The following TTC28 variants were observed in gnomAD, a reference collection of about 807,000 sequenced individuals.
TTC28 encodes the protein tetratricopeptide repeat protein 28.
TTC28 carries 61 observed loss-of-function variants against 198.0 expected under a neutral mutation model. The ratio of observed to expected loss-of-function variants is 0.31; its 90% confidence interval spans 0.25 to 0.38. The LOEUF is 0.38. Among genes scored for constraint, TTC28 ranks in the 10% least tolerant of loss-of-function variants. TTC28 has a pLI of 1.00. For missense variants in TTC28, 2,678 were observed against 3,164.0 expected, an observed-to-expected ratio of 0.85 and a Z score of 3.69; for synonymous variants, 1,171 against 1,297.8, an observed-to-expected ratio of 0.90 and a Z score of 2.10.
At position 28,085,540 on chromosome 22, in the gene TTC28, G is replaced by C. The variant is rs371039298; in HGVS notation, c.3932+8540C>G. Among the ~76,000 whole-genome samples the C allele has an allele frequency of 2.6e-3, 400 of 152,254 alleles. 9 individuals are homozygous for C. In the East Asian group the frequency reaches 0.059, roughly 23 times the overall value. On this transcript the variant is annotated intron_variant, in intron 12 of 22. Coordinates refer to ENST00000397906, the MANE Select transcript of TTC28 (RefSeq NM_001145418.2). Reference sequence around the variant, plus strand: ...TAAACATGGAAAGGAACAACCGGTAGCAGCCACTGCAAAATCATGCCAAAC... The same window carrying C: ...TAAACATGGAAAGGAACAACCGGTACCAGCCACTGCAAAATCATGCCAAAC...
chr22:28,420,009 A>AT (rs1280484543), intron 2 of TTC28, among the ~76,000 whole-genome samples: 2 of 152,148 alleles, frequency 1.3e-5, no homozygotes, highest in African/African-American at 2.4e-5. Context: ...TGAAAGGCTG[A>AT]TTTTTTTCCT....
chr22:28,026,155 T>C (rs576734728), intron 13 of TTC28, among the ~76,000 whole-genome samples: 1 of 152,304 alleles, frequency 6.6e-6, no homozygotes, highest in African/African-American at 2.4e-5. Context: ...CTCTCCACTT[T>C]CAGGGCCTGA....
intron 2 of TTC28, among the ~76,000 whole-genome samples, chr22:28,628,336 G>GT (rs1208362401): frequency 6.6e-6 from 1 of 152,048 alleles, no homozygotes; most frequent in Non-Finnish European, 1.5e-5. Context: ...TCTTTTTATT[G>GT]TATGTATTTA....
intron 6 of TTC28, among the ~76,000 whole-genome samples, chr22:28,114,929 C>A (rs1942591295): frequency 6.6e-6 from 1 of 151,990 alleles, no homozygotes; most frequent in Admixed American, 6.6e-5. Context: ...AAATATGTAT[C>A]ATTTGACTTC....
intron 12 of TTC28, among the ~76,000 whole-genome samples, chr22:28,084,031 A>G (rs1226197023): frequency 6.6e-6 from 1 of 152,240 alleles, no homozygotes; most frequent in Admixed American, 6.5e-5. Flanking sequence ...AACTGGGTGG[A>G]GCCCACCACA....
At chr22:28,457,073 A>G (rs2047873662) in intron 2 of TTC28, among the ~76,000 whole-genome samples, 1 of 152,208 alleles carries the variant, frequency 6.6e-6, no homozygotes, top group Non-Finnish European at 1.5e-5. Context: ...TATAATTATC[A>G]TTGTCTGTAG....
chr22:28,507,764 A>C (rs1321736385), intron 2 of TTC28, among the ~76,000 whole-genome samples: 4 of 152,240 alleles, frequency 2.6e-5, no homozygotes, highest in African/African-American at 9.6e-5. Flanking sequence ...CAACATTCTT[A>C]AAGAAAAGAA....
Position 28,274,763 on chromosome 22 carries a change from TGAG to T in TTC28, c.933+21432_933+21434del, listed in dbSNP as rs1348179441. On this transcript the variant is annotated intron_variant, in intron 5 of 22. Transcript: ENST00000397906. ...TGGGGGCCGAGGCGGGCGGATCACC[TGAG>T]GTCAGGAGTTTGAAACCAGCCTGGC... Among the ~76,000 whole-genome samples, 3 of 152,170 alleles carry T rather than the reference TGAG, an allele frequency of 2.0e-5. No individual in the cohort carries two copies. The East Asian group carries it at 5.8e-4, about 29-fold the overall frequency.
intron 17 of TTC28, 45 bp from the exon 18 acceptor site, chr22:27,993,563 G>A (rs1937491743): frequency 4.7e-6 from 7 of 1,493,114 alleles, no homozygotes; most frequent in Non-Finnish European, 6.3e-6. Context: ...GCCAGCCCTG[G>A]TTTCCATCCG....
At chr22:28,190,909 C>T (rs991582505) in intron 5 of TTC28, among the ~76,000 whole-genome samples, 1 of 152,178 alleles carries the variant, frequency 6.6e-6, no homozygotes, top group African/African-American at 2.4e-5. Flanking sequence ...TCTACCCTCT[C>T]CATTCTTCTA....
chr22:28,169,740 C>T (rs1922455365), intron 5 of TTC28, among the ~76,000 whole-genome samples: 1 of 151,942 alleles, frequency 6.6e-6, no homozygotes, highest in African/African-American at 2.4e-5. Context: ...TTAATGGGTG[C>T]AGCACACCAA....
At chr22:28,672,880 A>G (rs1046017572) in intron 1 of TTC28, among the ~76,000 whole-genome samples, 27 of 152,268 alleles carry the variant, frequency 1.8e-4, no homozygotes, top group African/African-American at 6.5e-4. Flanking sequence ...AAGGACGTGA[A>G]GAACATACCT....
At chr22:28,015,067 C>G (rs766779876) in intron 13 of TTC28, among the ~76,000 whole-genome samples, 3 of 152,236 alleles carry the variant, frequency 2.0e-5, no homozygotes, top group Non-Finnish European at 4.4e-5. Flanking sequence ...CCAAGGACCC[C>G]AAGCTTCATA....
chr22:28,342,237 T>A (rs2045843328), intron 2 of TTC28, among the ~76,000 whole-genome samples: 1 of 152,224 alleles, frequency 6.6e-6, no homozygotes, highest in African/African-American at 2.4e-5. Context: ...TAAATTATTT[T>A]ACAGTTAAGC....
At chr22:28,214,690 T>A (rs1388523302) in intron 5 of TTC28, among the ~76,000 whole-genome samples, 1 of 152,212 alleles carries the variant, frequency 6.6e-6, no homozygotes, top group East Asian at 1.9e-4. Flanking sequence ...GGTGGGACTG[T>A]AAACTAGTTC....
intron 12 of TTC28, among the ~76,000 whole-genome samples, chr22:28,086,568 T>C (rs570722703): frequency 1.2e-4 from 18 of 152,086 alleles, no homozygotes; most frequent in African/African-American, 3.6e-4. Flanking sequence ...GCAGGAAAGA[T>C]CCAAAATTGA....
At chr22:28,478,818 T>A (rs886734223) in intron 2 of TTC28, among the ~76,000 whole-genome samples, 1 of 152,176 alleles carries the variant, frequency 6.6e-6, no homozygotes, top group African/African-American at 2.4e-5. Context: ...AGTTAAAATA[T>A]TACTTTCTCA....
At chr22:27,984,845 G>T (rs1569066403) in intron 22 of TTC28, among the ~76,000 whole-genome samples, 1 of 152,176 alleles carries the variant, frequency 6.6e-6, no homozygotes, top group Non-Finnish European at 1.5e-5. Flanking sequence ...TCCCACTGTA[G>T]CCAGCTTGGC....
chr22:28,380,291 G>A (rs971933917), intron 2 of TTC28, among the ~76,000 whole-genome samples: 4 of 151,984 alleles, frequency 2.6e-5, no homozygotes, highest in African/African-American at 9.7e-5. Context: ...ATTGTGTTTT[G>A]TCTGTTTGTT....
Sources: gnomAD v4.1 joint callset for allele counts (sites outside exome capture counted in the v4.1 genomes callset) on GRCh38, gnomAD v4.1.1 for gene constraint, MANE v1.5 for transcripts, NCBI Gene and HGNC (gene_info 2026-07-23, HGNC 2026-07-21) for gene names.